ZNF675: variants seen among roughly 807,000 people sequenced by gnomAD.
ZNF675 encodes the protein TRAF6 inhibitory zinc finger.
ZNF675 carries 36 observed loss-of-function variants against 56.1 expected under a neutral mutation model. That is an observed-to-expected ratio of 0.64 (90% CI 0.49 to 0.85). The LOEUF (loss-of-function observed/expected upper bound fraction) is 0.85. Among genes scored for constraint, ZNF675 ranks in the 40% least tolerant of loss-of-function variants. The pLI, the probability that ZNF675 is intolerant of heterozygous loss-of-function variation, is 0.00. For missense variants in ZNF675, 663 were observed against 654.2 expected (o/e 1.01, Z -0.15); for synonymous variants, 200 against 218.9 (o/e 0.91, Z 0.76).
intron 1 of ZNF675, among the ~76,000 whole-genome samples, chr19:23,670,489 T>TCTC (rs397765171): frequency 3.3e-5 from 5 of 149,952 alleles, no homozygotes; most frequent in African/African-American, 1.2e-4. Flanking sequence ...TAGATAACCT[T>TCTC]TTACAGGGCC....
At chr19:23,658,862 A>ATCTCT (rs1364352504) in intron 3 of ZNF675, among the ~76,000 whole-genome samples, 227 of 15,626 alleles carry the variant, frequency 0.015, 2 homozygotes, top group Non-Finnish European at 0.026. Context: ...TAGATATAGA[A>ATCTCT]ATAGATCTAT....
At chr19:23,657,578 G>A (rs1213047389) in intron 3 of ZNF675, among the ~76,000 whole-genome samples, 5 of 152,092 alleles carry the variant, frequency 3.3e-5, no homozygotes, top group Non-Finnish European at 4.4e-5. Context: ...TTAGCTGGGC[G>A]TGGTGGCGCA....
intron 2 of ZNF675, 149 bp downstream of exon 2, chr19:23,662,883 C>T: frequency 1.7e-6 from 1 of 597,116 alleles, no homozygotes; most frequent in Non-Finnish European, 2.6e-6. Context: ...ACTTGGAAGG[C>T]TGAGGCACGA....
At chr19:23,684,644 CA>C (rs35113707) in intron 1 of ZNF675, among the ~76,000 whole-genome samples, 9 of 145,602 alleles carry the variant, frequency 6.2e-5, no homozygotes, top group South Asian at 2.2e-4. Flanking sequence ...AACCCCATCT[CA>C]AAAAAAAAAG....
At position 23,653,273 on chromosome 19, in the gene ZNF675, G is replaced by A. The variant is rs769380276; in HGVS notation, c.1660C>T (p.His554Tyr). 6.8e-6 allele frequency: 11 copies of A among 1,610,740 alleles called. No homozygotes were observed. In the South Asian group the frequency reaches 1.2e-4, roughly 18 times the overall value. The change falls in exon 4 of 4, where the codon CAT becomes TAT. Residue 554 changes from histidine (H) to tyrosine (Y), a missense_variant. Physicochemically the swap from His to Tyr is moderately conservative, Grantham distance 83. Around this residue, in one of 3 missense-constraint regions of ZNF675, gnomAD observed 617 missense variants for 590.5 expected, o/e 1.04. Coordinates refer to ENST00000359788, the MANE Select transcript of ZNF675 (RefSeq NM_138330.3). Reference sequence around the variant, plus strand: ...TTCTCTCCAGTATGTATTTTTTTATGTTTAGTAAGGTTTGCAGATTGGTTA... The same window carrying A: ...TTCTCTCCAGTATGTATTTTTTTATATTTAGTAAGGTTTGCAGATTGGTTA... ...AFNQSANLTK[H>Y]KKIHTGEKLQ...
In ZNF675 at chr19:23,663,108, C is replaced by T. The variant is rs1968102880; in HGVS notation, c.54G>A (p.Trp18Ter). 1 of 1,610,538 alleles carries T rather than the reference C, an allele frequency of 6.2e-7. No individual in the cohort carries two copies. Among genetic ancestry groups the T allele is most frequent in the Admixed American group, 1.7e-5 (1 of 59,536 alleles). ...TCCGCTGTGCAGTGTCCAGGCATTG[C>T]CATTCTTCCAGAGAGAATTCTATGG... ...DVAIEFSLEE[W>*]QCLDTAQRNL... The change falls in exon 2 of 4, where the codon TGG (tryptophan) becomes TGA (stop). Residue 18 changes from tryptophan (W) to a stop codon, truncating the protein, a stop_gained. Coordinates refer to ENST00000359788, the MANE Select transcript of ZNF675 (RefSeq NM_138330.3). LOFTEE classifies it high-confidence loss of function.
At chr19:23,657,796 A>G (rs1359381337) in intron 3 of ZNF675, among the ~76,000 whole-genome samples, 2 of 152,182 alleles carry the variant, frequency 1.3e-5, no homozygotes, top group African/African-American at 4.8e-5. Context: ...CTAAGAAAGA[A>G]TACATACAAG....
intron 1 of ZNF675, among the ~76,000 whole-genome samples, chr19:23,677,914 G>GT (rs879542356): frequency 1.3e-5 from 2 of 151,612 alleles, no homozygotes; most frequent in Non-Finnish European, 2.9e-5. Flanking sequence ...GAGGTCGGGA[G>GT]TTTGAGACTA....
At chr19:23,672,237 A>T (rs1399235642) in intron 1 of ZNF675, among the ~76,000 whole-genome samples, 6 of 530 alleles carry the variant, frequency 0.011, no homozygotes, top group East Asian at 0.5. Flanking sequence ...TGGGTTTAAA[A>T]AAAAAAAAAA....
Position 23,687,212 on chromosome 19 carries a change from T to G in ZNF675, c.-179A>C. 5 of 674,726 alleles carry G rather than the reference T, an allele frequency of 7.4e-6. No homozygotes were observed. Among genetic ancestry groups the G allele is most frequent in the Non-Finnish European group, 1.3e-5 (5 of 390,174 alleles). 41.8% of individuals were successfully genotyped at this position (674,726 alleles called of 1,614,324 possible). A position where few individuals can be genotyped will look rare whatever the true frequency, so the allele number is the denominator to read the frequency against. ...GCCAAATCCCGGAAGCCATCTTGTC[T>G]GCTCCAGCTGCGTGCCTGATTGGAC... On this transcript the variant is annotated 5_prime_UTR_variant, in exon 1 of 4. Transcript: ENST00000359788.
chr19:23,679,995 C>G (rs1354264689), intron 1 of ZNF675, among the ~76,000 whole-genome samples: 3 of 147,880 alleles, frequency 2.0e-5, no homozygotes, highest in Admixed American at 6.7e-5. Context: ...CGTACCCCCC[C>G]CCAAAAAAAA....
intron 1 of ZNF675, among the ~76,000 whole-genome samples, chr19:23,663,865 C>A (rs986524641): frequency 6.6e-6 from 1 of 152,166 alleles, no homozygotes; most frequent in Middle Eastern, 3.2e-3. Context: ...TCCATTTTTA[C>A]TAAGGACCGC....
At chr19:23,661,258 A>C (rs1317766766) in intron 3 of ZNF675, among the ~76,000 whole-genome samples, 7 of 151,792 alleles carry the variant, frequency 4.6e-5, no homozygotes, top group Non-Finnish European at 8.8e-5. Context: ...TGATCCGCCC[A>C]CCTCAGCCTC....
At chr19:23,673,781 A>G (rs1454123584) in intron 1 of ZNF675, among the ~76,000 whole-genome samples, 1 of 152,228 alleles carries the variant, frequency 6.6e-6, no homozygotes, top group South Asian at 2.1e-4. Flanking sequence ...TGGTGCATGT[A>G]TACCTGTGTA....
chr19:23,671,520 T>C (rs1382139982), intron 1 of ZNF675, among the ~76,000 whole-genome samples: 1 of 151,966 alleles, frequency 6.6e-6, no homozygotes, highest in Non-Finnish European at 1.5e-5. Context: ...GTCCCTGCTG[T>C]CAATGCAAAG....
chr19:23,654,560 G>T lies in ZNF675; in HGVS notation c.373C>A (p.His125Asn), dbSNP rs1967957185. The T allele has an allele frequency of 6.2e-7, 1 of 1,611,918 alleles. No homozygotes were observed. The highest frequency in any genetic ancestry group is 8.5e-7 in the Non-Finnish European group (1 of 1,178,988). ...GCKSVDECKL[H>N]KGGYNGLNQC... The stretch of plus-strand genomic sequence containing the variant: ...TTAAGTCCATTATAACCTCCCTTGT[G>T]CAACTTACATTCATCCACACTTTTA... The change falls in exon 4 of 4, where the codon CAC becomes AAC. Residue 125 changes from histidine to asparagine, a missense_variant. Coordinates refer to ENST00000359788, the MANE Select transcript of ZNF675 (RefSeq NM_138330.3).
At chr19:23,677,542 C>T (rs538861908) in intron 1 of ZNF675, among the ~76,000 whole-genome samples, 3 of 150,096 alleles carry the variant, frequency 2.0e-5, no homozygotes, top group Non-Finnish European at 4.4e-5. Context: ...CTCATCTCTA[C>T]TAAAAATACA....
chr19:23,669,080 T>A (rs371900390), intron 1 of ZNF675, among the ~76,000 whole-genome samples: 34 of 152,218 alleles, frequency 2.2e-4, no homozygotes, highest in African/African-American at 8.2e-4. Context: ...GCCAGCACGC[T>A]GTCACCTCTC....
rs558280664 is a variant in ZNF675, at chr19:23,681,096, T to G, written c.3+5935A>C. 8.6e-5 allele frequency among the ~76,000 whole-genome samples: 13 copies of G among 151,956 alleles called. No homozygotes were observed. In the East Asian group the frequency reaches 2.3e-3, roughly 27 times the overall value. On this transcript the variant is annotated intron_variant, in intron 1 of 3. Transcript: ENST00000359788. ...GATAGTGGCTTAGGTGAGGCTACAC[T>G]GATTTATTTTTGTGCCCATGAAGGC...
Sources: allele counts gnomAD v4.1 joint callset (sites outside exome capture counted in the v4.1 genomes callset), GRCh38; gene constraint gnomAD v4.1.1; regional missense constraint gnomAD v4.1.1; transcripts MANE v1.5; gene names NCBI Gene and HGNC (gene_info 2026-07-23, HGNC 2026-07-21).